The following EMILIN2 variants were observed in gnomAD, a reference collection of about 807,000 sequenced individuals.
EMILIN2 encodes elastin microfibril interfacer 2.
Under a neutral mutation model 87.1 loss-of-function variants are expected in EMILIN2, and 71 were observed. The observed-to-expected ratio is 0.82, with a 90% CI of 0.67 to 0.99. The LOEUF is 0.99. Ranked by LOEUF, EMILIN2 falls within the 50% of genes least tolerant of loss-of-function variation. EMILIN2 has a pLI of 0.00. For missense variants in EMILIN2, 1,407 were observed against 1,371.8 expected (o/e 1.03, Z -0.40); for synonymous variants, 581 against 563.4 (o/e 1.03, Z -0.44).
chr18:2,846,790 G>A, upstream of EMILIN2: 1 of 985,440 alleles, frequency 1.0e-6, no homozygotes, highest in Non-Finnish European at 1.2e-6. This position sits in a 1 kb window ranked among gnomAD's most constrained non-coding sequence, Gnocchi z 5.3. Context: ...CCAAAGGAAT[G>A]AGTCATTGGA....
chr18:2,890,025 G>A lies in EMILIN2; in HGVS notation c.434-536G>A, dbSNP rs528180540. ...TGAAAGTAAAGGACAAAACATTCAG[G>A]CACTGCTTTGAGGATAACATCAGAA... On this transcript the variant is annotated intron_variant, in intron 3 of 7. Transcript: ENST00000254528. The surrounding 1 kb of genome is among the most constrained non-coding windows in gnomAD (Gnocchi z 4.7). Among the ~76,000 whole-genome samples the A allele has an allele frequency of 2.6e-5, 4 of 152,234 alleles. No individual in the cohort carries two copies. Among genetic ancestry groups the A allele is most frequent in the Admixed American group, 2.0e-4 (3 of 15,300 alleles).
At chr18:2,911,166 C>T (rs1024555931) in intron 7 of EMILIN2, among the ~76,000 whole-genome samples, 1 of 152,212 alleles carries the variant, frequency 6.6e-6, no homozygotes, top group Non-Finnish European at 1.5e-5. Flanking sequence ...TTGAGAGATT[C>T]AAGTGCGGTC....
At chr18:2,912,918 A>T (rs550601947) in intron 7 of EMILIN2, 149 bp from the exon 8 acceptor site, 1 of 792,204 alleles carries the variant, frequency 1.3e-6, no homozygotes, top group Admixed American at 2.7e-5. Context: ...ATGAGCATAA[A>T]AAGCAGCTGA....
intron 2 of EMILIN2, among the ~76,000 whole-genome samples, chr18:2,863,262 C>T (rs1328887448): frequency 6.6e-6 from 1 of 152,146 alleles, no homozygotes; most frequent in Non-Finnish European, 1.5e-5. Flanking sequence ...CTTCTGCTAG[C>T]TTTTGAATGT....
chr18:2,888,551 C>T (rs1203013509), intron 3 of EMILIN2, among the ~76,000 whole-genome samples: 1 of 151,402 alleles, frequency 6.6e-6, no homozygotes, highest in South Asian at 2.1e-4. Context: ...CCATCTCTAC[C>T]AAAAATACAA....
chr18:2,892,065 G>A lies in EMILIN2; in HGVS notation c.1938G>A (p.Val646=). The change falls in exon 4 of 8, where the codon GTG becomes GTA. Residue 646 remains valine (V), a synonymous_variant. Transcript: ENST00000254528. The part of the protein sequence containing the change: ...ENAGMGRFTK[V]GEQERTVDTL... ...CTGGCATGGGTAGGTTCACTAAGGT[G>A]GGTGAGCAAGAAAGGACAGTGGACA... 6.2e-7 allele frequency: 1 copy of A among 1,614,262 alleles called. No individual in the cohort carries two copies. The highest frequency in any genetic ancestry group is 1.3e-5 in the African/African-American group (1 of 75,072).
chr18:2,858,882 C>T (rs1339915945), intron 2 of EMILIN2, among the ~76,000 whole-genome samples: 1 of 151,942 alleles, frequency 6.6e-6, no homozygotes, highest in Non-Finnish European at 1.5e-5. Context: ...GTGATCCACC[C>T]ACCCCAGCCT....
At chr18:2,864,623 G>A (rs1057059141) in intron 2 of EMILIN2, among the ~76,000 whole-genome samples, 4 of 152,188 alleles carry the variant, frequency 2.6e-5, no homozygotes, top group African/African-American at 9.7e-5. Context: ...TGGGTAACCT[G>A]ACCTTTCTCT....
At chr18:2,869,422 T>C (rs185885690) in intron 2 of EMILIN2, among the ~76,000 whole-genome samples, 1 of 152,310 alleles carries the variant, frequency 6.6e-6, no homozygotes, top group Admixed American at 6.5e-5. Flanking sequence ...CCCTCCAGTT[T>C]CTCTCCACGT....
intron 4 of EMILIN2, among the ~76,000 whole-genome samples, chr18:2,900,705 C>T (rs2144056929): frequency 6.6e-6 from 1 of 152,242 alleles, no homozygotes; most frequent in South Asian, 2.1e-4. Flanking sequence ...GACAGTTTCT[C>T]TGAATTTTCT....
intron 2 of EMILIN2, among the ~76,000 whole-genome samples, chr18:2,878,689 G>A (rs982642214): frequency 6.6e-6 from 1 of 152,110 alleles, no homozygotes; most frequent in Non-Finnish European, 1.5e-5. Flanking sequence ...CTTTGGGGCA[G>A]GCAGTTCTTC....
At chr18:2,897,861 C>CT (rs199632096) in intron 4 of EMILIN2, among the ~76,000 whole-genome samples, 2,152 of 129,590 alleles carry the variant, frequency 0.017, 60 homozygotes, top group African/African-American at 0.06. Flanking sequence ...AATCCTGTCT[C>CT]TTTAAAAAAA....
intron 2 of EMILIN2, among the ~76,000 whole-genome samples, chr18:2,867,467 C>T (rs574690952): frequency 6.6e-5 from 10 of 152,198 alleles, no homozygotes; most frequent in Non-Finnish European, 1.5e-4. Flanking sequence ...GAACAAAGGT[C>T]TCTGGCTTTC....
chr18:2,906,654 G>C, intron 4 of EMILIN2, 129 bp from the exon 5 acceptor site: 1 of 723,648 alleles, frequency 1.4e-6, no homozygotes, highest in Non-Finnish European at 1.9e-6. Context: ...CTGGCCTGAC[G>C]TCGCAGGGGT....
chr18:2,857,577 G>A (rs1408092312), intron 2 of EMILIN2, among the ~76,000 whole-genome samples: 5 of 152,052 alleles, frequency 3.3e-5, no homozygotes, highest in African/African-American at 9.7e-5. Context: ...CCGAGGGGGC[G>A]ATTGCGACAG....
rs1568477125 is a variant in EMILIN2 at position 2,892,339 on chromosome 18, T to C, written c.2212T>C (p.Trp738Arg). The C allele has an allele frequency of 6.2e-7, 1 of 1,614,198 alleles. No homozygotes were observed. Among genetic ancestry groups the C allele is most frequent in the Non-Finnish European group, 8.5e-7 (1 of 1,180,032 alleles). The change falls in exon 4 of 8, where the codon TGG becomes CGG. Residue 738 changes from tryptophan to arginine, a missense_variant. Physicochemically the swap from Trp to Arg is moderately radical, Grantham distance 101. Coordinates refer to ENST00000254528, the MANE Select transcript of EMILIN2 (RefSeq NM_032048.3). ...EGLNKHVSSLWNCVRQMNGTL... is the reference protein window; with the variant it reads ...EGLNKHVSSLRNCVRQMNGTL... ...GCTCAACAAGCATGTCAGCAGCCTG[T>C]GGAACTGTGTCAGGCAGATGAACGG...
chr18:2,902,115 C>T (rs952524642), intron 4 of EMILIN2, among the ~76,000 whole-genome samples: 2 of 152,220 alleles, frequency 1.3e-5, no homozygotes, highest in African/African-American at 4.8e-5. Context: ...ACAGAATGAT[C>T]ACTGTCCTAT....
At chr18:2,846,363 TGGA>T (rs1339492868), upstream of EMILIN2, among the ~76,000 whole-genome samples, 4 of 152,086 alleles carry the variant, frequency 2.6e-5, no homozygotes, top group African/African-American at 4.8e-5. This position sits in a 1 kb window ranked among gnomAD's most constrained non-coding sequence, Gnocchi z 5.3. Flanking sequence ...TTTCAAGAAT[TGGA>T]GGAGAATTGC....
chr18:2,913,603 T>C lies in EMILIN2; in HGVS notation c.*199T>C. The C allele has an allele frequency of 5.5e-6, 3 of 543,294 alleles. No homozygotes were observed. Among genetic ancestry groups the C allele is most frequent in the South Asian group, 4.9e-5 (2 of 40,790 alleles). The allele number at this position is 543,294 out of a possible 1,614,324, so 33.7% of individuals were successfully genotyped here. Reference sequence around the variant, plus strand: ...CAGGGAGTGAGGCACACGGTGAACATGGCCACTGACTTTTCTGCCACTCTA... The same window carrying C: ...CAGGGAGTGAGGCACACGGTGAACACGGCCACTGACTTTTCTGCCACTCTA... On this transcript the variant is annotated 3_prime_UTR_variant, in exon 8 of 8. Coordinates refer to ENST00000254528, the MANE Select transcript of EMILIN2 (RefSeq NM_032048.3).
Sources: gnomAD v4.1 joint callset for allele counts (sites outside exome capture counted in the v4.1 genomes callset) on GRCh38, gnomAD v4.1.1 for gene constraint, Gnocchi (gnomAD v3.1) non-coding constraint, MANE v1.5 for transcripts, NCBI Gene and HGNC (gene_info 2026-07-23, HGNC 2026-07-21) for gene names.